The following INTS10 variants were observed in gnomAD, a reference collection of about 807,000 sequenced individuals.
INTS10 encodes the protein chromosome 8 open reading frame 35.
Under a neutral mutation model 94.4 loss-of-function variants are expected in INTS10, and 44 were observed. The ratio of observed to expected loss-of-function variants is 0.47; its 90% CI spans 0.37 to 0.60. INTS10 has a LOEUF of 0.60. INTS10 is among the 20% of genes least tolerant of loss of function. The probability of loss-of-function intolerance (pLI) is 0.00; values close to 1 mark genes in which losing one functional copy is unlikely to be tolerated. For synonymous variants in INTS10, 341 were observed against 320.7 expected (o/e 1.06, Z -0.68); for missense variants, 797 against 868.7 (o/e 0.92, Z 1.04).
Position 19,842,853 on chromosome 8 carries a change from G to C in INTS10, c.1645G>C (p.Asp549His). 6.2e-7 allele frequency: 1 copy of C among 1,609,836 alleles called. No individual in the cohort carries two copies. The highest frequency in any genetic ancestry group is 8.5e-7 in the Non-Finnish European group (1 of 1,176,372). The change falls in exon 14 of 17, where the codon GAT (aspartate) becomes CAT (histidine). Residue 549 changes from aspartate to histidine, a missense_variant. This residue lies in a region of INTS10 where 734 missense variants were observed against 787.8 expected (regional missense o/e 0.93). Coordinates refer to ENST00000397977, the MANE Select transcript of INTS10 (RefSeq NM_018142.4). ...KVKPKFRKGSDLKLLPCTSKA... is the reference protein window; with the variant it reads ...KVKPKFRKGSHLKLLPCTSKA... ...ACATTGTGGACTTCTGTTAGGTTCGGATCTGAAGCTCCTGCCTTGTACCAG... is the reference window on the plus strand; with the variant it reads ...ACATTGTGGACTTCTGTTAGGTTCGCATCTGAAGCTCCTGCCTTGTACCAG...
chr8:19,839,000 A>T (rs2067899283), intron 13 of INTS10, among the ~76,000 whole-genome samples: 1 of 151,972 alleles, frequency 6.6e-6, no homozygotes, highest in Non-Finnish European at 1.5e-5. Flanking sequence ...TGAACCCGGG[A>T]GGCGGAGGTT....
rs1435910200 is a variant in INTS10 at position 19,849,211 on chromosome 8, C to T, written c.1977-2438C>T. 7.8e-7 allele frequency: 1 copy of T among 1,289,500 alleles called. No homozygotes were observed. Among genetic ancestry groups the T allele is most frequent in the Non-Finnish European group, 1.0e-6 (1 of 988,728 alleles). 79.9% of individuals were successfully genotyped at this position (1,289,500 alleles called of 1,614,324 possible). On this transcript the variant is annotated intron_variant, in intron 16 of 16. Transcript: ENST00000397977. The surrounding 1 kb of genome is among the most constrained non-coding windows in gnomAD (Gnocchi z 4.6). ...ACTGCAGCAGGAATTCTTACCTGTG[C>T]TTCAGCCCAGCATACAGACTGCTGA...
intron 5 of INTS10, 140 bp from the exon 6 acceptor site, chr8:19,823,161 T>A: frequency 1.6e-6 from 1 of 638,098 alleles, no homozygotes; most frequent in Non-Finnish European, 2.7e-6. Flanking sequence ...CAGCACATTT[T>A]GAATACATGA....
At chr8:19,828,595 C>G (rs1379318459) in intron 9 of INTS10, among the ~76,000 whole-genome samples, 2 of 152,162 alleles carry the variant, frequency 1.3e-5, no homozygotes, top group Non-Finnish European at 2.9e-5. Context: ...CGTGTTGAGG[C>G]AGGAATGTTT....
In INTS10 at chr8:19,846,784, T is replaced by G. The variant is rs2068621479; in HGVS notation, c.1976+987T>G. On this transcript the variant is annotated intron_variant, in intron 16 of 16. Transcript: ENST00000397977. The surrounding 1 kb of genome is among the most constrained non-coding windows in gnomAD (Gnocchi z 4.2). ...CTTGCTTCTCTCCTTCAATCCTCAT[T>G]GTAGTTTGGGTAATATATCCTCTCT... Among the ~76,000 whole-genome samples the G allele has an allele frequency of 6.6e-6, 1 of 152,180 alleles. No individual in the cohort carries two copies. Among genetic ancestry groups the G allele is most frequent in the African/African-American group, 2.4e-5 (1 of 41,430 alleles).
rs375900696 is a variant in INTS10 at position 19,817,794 on chromosome 8, C to G, written c.129+128C>G. The G allele has an allele frequency of 1.1e-3, 1,284 of 1,154,970 alleles. 15 individuals are homozygous for G. In the African/African-American group the frequency reaches 0.017, roughly 15 times the overall value. 71.5% of individuals were successfully genotyped at this position (1,154,970 alleles called of 1,614,324 possible). On this transcript the variant is annotated intron_variant, in intron 1 of 16. Coordinates refer to ENST00000397977, the MANE Select transcript of INTS10 (RefSeq NM_018142.4). ...TCCTGCCCGGCCCCCTGCTTTCTCC[C>G]CTCCCACCCCCTCCTCTCTCCCCTC... is the stretch of plus-strand genomic sequence containing the variant.
chr8:19,819,400 C>A (rs2066191241), intron 2 of INTS10, among the ~76,000 whole-genome samples, 173 bp from the exon 3 acceptor site: 1 of 152,136 alleles, frequency 6.6e-6, no homozygotes, highest in South Asian at 2.1e-4. Flanking sequence ...TGAGTACTCT[C>A]ATTTTTATAA....
intron 6 of INTS10, 84 bp from the exon 7 acceptor site, chr8:19,823,788 TG>T (rs1563346765): frequency 8.3e-7 from 1 of 1,209,966 alleles, no homozygotes. Context: ...TGCATTTTCA[TG>T]GGGAGTCAGA....
chr8:19,830,117 A>C (rs1204807280), intron 9 of INTS10, among the ~76,000 whole-genome samples: 1 of 152,210 alleles, frequency 6.6e-6, no homozygotes, highest in Non-Finnish European at 1.5e-5. Context: ...ACTTTCATAA[A>C]ATTGATATTT....
In INTS10 at chr8:19,830,639, G is replaced by C. The variant is rs942788724; in HGVS notation, c.1294+80G>C. The C allele has an allele frequency of 2.2e-6, 3 of 1,342,908 alleles. No individual in the cohort carries two copies. The African/African-American group carries it at 4.4e-5, about 20-fold the overall frequency. The allele number at this position is 1,342,908 out of a possible 1,614,324, so 83.2% of individuals were successfully genotyped here. ...CTACTTCAAATGTCAGGTCACTTAC[G>C]GCAAATTAAGTTGATTACAGTAGTT... On this transcript the variant is annotated intron_variant, in intron 10 of 16. Transcript: ENST00000397977.
intron 16 of INTS10, among the ~76,000 whole-genome samples, chr8:19,848,562 T>C (rs1177734357): frequency 6.6e-6 from 1 of 152,226 alleles, no homozygotes; most frequent in Non-Finnish European, 1.5e-5. Context: ...ACACTAAATC[T>C]TTGTTGTTAC....
At chr8:19,820,090 A>G (rs1453147637) in intron 3 of INTS10, among the ~76,000 whole-genome samples, 2 of 152,374 alleles carry the variant, frequency 1.3e-5, no homozygotes, top group South Asian at 2.1e-4. Context: ...AACTTCAACA[A>G]GCACATGCTC....
chr8:19,826,426 G>A lies in INTS10; in HGVS notation c.1007G>A (p.Gly336Asp). ...TGTTGGTGTTTTTCCCCGTCCTTAG[G>A]TCCTAATGCCCCGAGCCAAGTTCCA... ...VNSIQPSLFQ[G>D]PNAPSQVPLV... Residue 336 changes from glycine (G) to aspartate (D), a missense_variant and splice_region_variant, in exon 9 of 17, where the codon GGT (glycine) becomes GAT (aspartate). Coordinates refer to ENST00000397977, the MANE Select transcript of INTS10 (RefSeq NM_018142.4). The A allele has an allele frequency of 6.2e-7, 1 of 1,608,398 alleles. No homozygotes were observed. Among genetic ancestry groups the A allele is most frequent in the South Asian group, 1.1e-5 (1 of 89,738 alleles).
chr8:19,833,451 T>A, intron 12 of INTS10, 130 bp downstream of exon 12: 4 of 599,304 alleles, frequency 6.7e-6, no homozygotes, highest in Non-Finnish European at 1.0e-5. Flanking sequence ...ATTTATTACT[T>A]AATCTGCTAG....
chr8:19,848,143 C>T (rs1320779241), intron 16 of INTS10, among the ~76,000 whole-genome samples: 2 of 152,228 alleles, frequency 1.3e-5, no homozygotes, highest in Non-Finnish European at 2.9e-5. Flanking sequence ...TGGTTGGAAT[C>T]TTTATTAAAC....
chr8:19,840,793 T>C (rs1279449118), intron 13 of INTS10, among the ~76,000 whole-genome samples: 1 of 152,162 alleles, frequency 6.6e-6, no homozygotes, highest in East Asian at 1.9e-4. Flanking sequence ...TAAGTATTTC[T>C]GCAGAACAGA....
In INTS10 at chr8:19,820,529, A is replaced by G. The variant is rs1274667754; in HGVS notation, c.441+11A>G. On this transcript the variant is annotated intron_variant, in intron 4 of 16. Coordinates refer to ENST00000397977, the MANE Select transcript of INTS10 (RefSeq NM_018142.4). ...GTGGTGCAGCATGGGGTGAGATTTG[A>G]TTCTTCCCCTTCTTTTAATATAAAA... The G allele has an allele frequency of 1.2e-6, 2 of 1,600,830 alleles. No individual in the cohort carries two copies. Among genetic ancestry groups the G allele is most frequent in the Non-Finnish European group, 1.7e-6 (2 of 1,172,020 alleles).
At position 19,824,029 on chromosome 8, in the gene INTS10, T is replaced by C. The variant is rs747748557; in HGVS notation, c.821T>C (p.Met274Thr). 6.2e-6 allele frequency: 10 copies of C among 1,608,042 alleles called. No individual in the cohort carries two copies. The East Asian group carries it at 2.0e-4, about 32-fold the overall frequency. Residue 274 changes from methionine to threonine, a missense_variant, in exon 7 of 17, where the codon ATG (methionine) becomes ACG (threonine). Coordinates refer to ENST00000397977, the MANE Select transcript of INTS10 (RefSeq NM_018142.4). The stretch of plus-strand genomic sequence containing the variant: ...GTTGGAATGAGATGTGAATGGCAGA[T>C]GGATAAAGGAAGACGGTAATAAATA... ...NVVGMRCEWQ[M>T]DKGRRSYGDI...
intron 10 of INTS10, among the ~76,000 whole-genome samples, chr8:19,831,155 C>T (rs1169097780): frequency 6.6e-6 from 1 of 152,130 alleles, no homozygotes; most frequent in Non-Finnish European, 1.5e-5. Flanking sequence ...TTACTTTTAG[C>T]CCGTGGACAT....
Sources: gnomAD v4.1 joint callset for allele counts (sites outside exome capture counted in the v4.1 genomes callset) on GRCh38, gnomAD v4.1.1 for gene constraint, gnomAD v4.1.1 regional missense constraint, Gnocchi (gnomAD v3.1) non-coding constraint, MANE v1.5 for transcripts, NCBI Gene and HGNC (gene_info 2026-07-23, HGNC 2026-07-21) for gene names.